MEF2A: variants seen among roughly 807,000 people sequenced by gnomAD.
MEF2A encodes the protein myocyte-specific enhancer factor 2A.
A neutral mutation model predicts 55.8 loss-of-function variants in MEF2A; 28 were observed. That is an observed-to-expected ratio of 0.50 (90% CI 0.37 to 0.69). The LOEUF is 0.69. Among genes scored for constraint, MEF2A ranks in the 30% least tolerant of loss-of-function variants. The pLI, the probability that MEF2A is intolerant of heterozygous loss-of-function variation, is 0.00. For missense variants in MEF2A, 528 were observed against 626.2 expected (o/e 0.84, Z 1.67); for synonymous variants, 239 against 227.1 (o/e 1.05, Z -0.47).
intron 4 of MEF2A, among the ~76,000 whole-genome samples, chr15:99,660,204 T>C (rs953310100): frequency 6.6e-6 from 1 of 152,210 alleles, no homozygotes; most frequent in African/African-American, 2.4e-5. Flanking sequence ...GAGACTTTTT[T>C]GTTTGTTTGT....
rs963892384 is a variant in MEF2A at position 99,656,990 on chromosome 15, C to T, written c.258+11226C>T. The stretch of plus-strand genomic sequence containing the variant: ...CCTCCTTCCCCTACATCCTGGCAAC[C>T]ACTAATGTACTTTCTGTGTCTATGG... On this transcript the variant is annotated intron_variant, in intron 4 of 11. Transcript: ENST00000557942. Among the ~76,000 whole-genome samples, 4 of 152,156 alleles carry T rather than the reference C, an allele frequency of 2.6e-5. No homozygotes were observed. In the East Asian group the frequency reaches 7.7e-4, roughly 29 times the overall value.
chr15:99,656,081 T>G (rs2047661791), intron 4 of MEF2A, among the ~76,000 whole-genome samples: 1 of 152,158 alleles, frequency 6.6e-6, no homozygotes, highest in East Asian at 1.9e-4. Flanking sequence ...CGCATTCACT[T>G]AATCATAAAT....
intron 1 of MEF2A, 119 bp from the exon 2 acceptor site, chr15:99,598,311 G>GT (rs1415774227): frequency 7.9e-5 from 12 of 152,296 alleles, no homozygotes; most frequent in African/African-American, 2.6e-4. Context: ...TCATTTAACA[G>GT]TATTTGTGGA....
intron 4 of MEF2A, among the ~76,000 whole-genome samples, chr15:99,664,338 T>TG (rs2049200910): frequency 6.6e-6 from 1 of 152,202 alleles, no homozygotes; most frequent in South Asian, 2.1e-4. Context: ...CAGGAGTAGC[T>TG]GGCTTCCTGA....
chr15:99,653,239 G>A (rs1004610315), intron 4 of MEF2A, among the ~76,000 whole-genome samples: 1 of 152,038 alleles, frequency 6.6e-6, no homozygotes, highest in African/African-American at 2.4e-5. Flanking sequence ...TGGGTAATGC[G>A]GACATGCAGT....
intron 7 of MEF2A, among the ~76,000 whole-genome samples, chr15:99,678,151 C>G (rs757394635): frequency 6.6e-6 from 1 of 152,094 alleles, no homozygotes; most frequent in African/African-American, 2.4e-5. Context: ...TCCATTATAT[C>G]TTTTTCTTTA....
rs994627390 is a variant in MEF2A at position 99,679,034 on chromosome 15, G to A, written c.670+3576G>A. ...TGGAAATGCAAAATTAAACCACAAA[G>A]AGAGAACACTGCACACCCACCAGAA... On this transcript the variant is annotated intron_variant, in intron 7 of 11. Transcript: ENST00000557942. Among the ~76,000 whole-genome samples the A allele has an allele frequency of 2.0e-5, 3 of 152,108 alleles. No individual in the cohort carries two copies. The South Asian group carries it at 6.2e-4, about 32-fold the overall frequency.
chr15:99,663,804 CTCAAGTA>C (rs2049089439), intron 4 of MEF2A, among the ~76,000 whole-genome samples: 1 of 152,086 alleles, frequency 6.6e-6, no homozygotes, highest in South Asian at 2.1e-4. Flanking sequence ...TTTTTGTCCT[CTCAAGTA>C]TCTTTTTTCT....
At chr15:99,706,978 A>G (rs2058109594) in intron 10 of MEF2A, 123 bp downstream of exon 10, 4 of 1,221,634 alleles carry the variant, frequency 3.3e-6, no homozygotes, top group Non-Finnish European at 4.4e-6. Context: ...TTTAGATTTA[A>G]ATTAGGATGT....
chr15:99,567,789 C>A (rs1960373119), intron 1 of MEF2A, among the ~76,000 whole-genome samples: 1 of 152,104 alleles, frequency 6.6e-6, no homozygotes, highest in African/African-American at 2.4e-5. Context: ...CATAAACACA[C>A]ACCTGTATAT....
chr15:99,708,858 A>G (rs1236013149), intron 10 of MEF2A, among the ~76,000 whole-genome samples: 1 of 152,124 alleles, frequency 6.6e-6, no homozygotes, highest in East Asian at 1.9e-4. Flanking sequence ...TGCCTGTACA[A>G]AGGCTAGGAG....
chr15:99,646,425 A>G (rs1480373069), intron 4 of MEF2A, among the ~76,000 whole-genome samples: 1 of 152,122 alleles, frequency 6.6e-6, no homozygotes, highest in Admixed American at 6.5e-5. Context: ...TAACTTTTCC[A>G]TGTGTATTTC....
chr15:99,596,189 G>T (rs1409899459), intron 1 of MEF2A, among the ~76,000 whole-genome samples: 4 of 152,130 alleles, frequency 2.6e-5, no homozygotes, highest in Non-Finnish European at 5.9e-5. Context: ...TTTGAGATGA[G>T]AATATGTACT....
At chr15:99,675,065 C>G (rs1409356685) in intron 6 of MEF2A, among the ~76,000 whole-genome samples, 2 of 152,156 alleles carry the variant, frequency 1.3e-5, no homozygotes, top group Admixed American at 1.3e-4. Context: ...AGTGTCTCCT[C>G]TCTCTTAAGT....
At chr15:99,581,167 A>G (rs769847898) in intron 1 of MEF2A, among the ~76,000 whole-genome samples, 5 of 152,180 alleles carry the variant, frequency 3.3e-5, no homozygotes, top group Non-Finnish European at 7.4e-5. Context: ...GTAGTCTGTC[A>G]GTATTTTCTG....
intron 4 of MEF2A, among the ~76,000 whole-genome samples, chr15:99,646,480 GT>G (rs1394287775): frequency 6.6e-6 from 1 of 151,586 alleles, no homozygotes; most frequent in Non-Finnish European, 1.5e-5. Flanking sequence ...TGTCTCTTTT[GT>G]TTATATTTGG....
In MEF2A at chr15:99,645,596, G is replaced by A. The variant is rs1406966945; in HGVS notation, c.90G>A (p.Lys30=). The A allele has an allele frequency of 6.2e-7, 1 of 1,613,252 alleles. No individual in the cohort carries two copies. Among genetic ancestry groups the A allele is most frequent in the East Asian group, 2.2e-5 (1 of 44,826 alleles). The change falls in exon 4 of 12, where the codon AAG becomes AAA. Residue 30 remains lysine (K), a synonymous_variant. Coordinates refer to ENST00000557942, the MANE Select transcript of MEF2A (RefSeq NM_001319206.4). ...CAAAGAGAAAGTTTGGATTAATGAA[G>A]AAAGCCTATGAACTTAGTGTGCTCT... ...TFTKRKFGLM[K]KAYELSVLCD...
chr15:99,569,987 A>C (rs1961444303), intron 1 of MEF2A, among the ~76,000 whole-genome samples: 1 of 151,792 alleles, frequency 6.6e-6, no homozygotes, highest in Non-Finnish European at 1.5e-5. Context: ...TACTTATTTA[A>C]TAAGTACTAA....
At chr15:99,695,009 G>A (rs1472778591) in intron 8 of MEF2A, among the ~76,000 whole-genome samples, 4 of 149,046 alleles carry the variant, frequency 2.7e-5, no homozygotes, top group Admixed American at 6.7e-5. Flanking sequence ...GGGAGCAGGC[G>A]CTTTTTTATT....
Sources: allele counts gnomAD v4.1 joint callset (sites outside exome capture counted in the v4.1 genomes callset), GRCh38; gene constraint gnomAD v4.1.1; transcripts MANE v1.5; gene names NCBI Gene and HGNC (gene_info 2026-07-23, HGNC 2026-07-21).